SCHIP1: variants seen among roughly 807,000 people sequenced by gnomAD.
SCHIP1 encodes schwannomin interacting protein 1.
SCHIP1 carries 8 observed loss-of-function variants against 29.7 expected under a neutral mutation model. The ratio of observed to expected loss-of-function variants is 0.27; its 90% CI spans 0.16 to 0.49. The LOEUF is 0.49. Ranked by LOEUF, SCHIP1 falls within the 20% of genes least tolerant of loss-of-function variation. SCHIP1 has a pLI of 0.99. For synonymous variants in SCHIP1, 76 were observed against 94.9 expected (o/e 0.80, Z 1.16); for missense variants, 193 against 294.6 (o/e 0.66, Z 2.52).
the SCHIP1 span, among the ~76,000 whole-genome samples, chr3:159,391,808 T>A: frequency 6.6e-6 from 1 of 152,204 alleles, no homozygotes; most frequent in African/African-American, 2.4e-5. Flanking sequence ...ATTTCTATAC[T>A]TTACAGATGG....
At chr3:159,357,903 G>A in the SCHIP1 span, among the ~76,000 whole-genome samples, 2 of 152,212 alleles carry the variant, frequency 1.3e-5, no homozygotes, top group African/African-American at 4.8e-5. Context: ...AGTGCCATGA[G>A]GGATGATATA....
At chr3:159,884,311 G>A (rs1279511733) in intron 2 of SCHIP1, among the ~76,000 whole-genome samples, 1 of 150,526 alleles carries the variant, frequency 6.6e-6, no homozygotes, top group African/African-American at 2.5e-5. Flanking sequence ...GAACATATTA[G>A]ATTTCTCCAG....
At chr3:159,630,111 T>C in the SCHIP1 span, among the ~76,000 whole-genome samples, 1 of 152,152 alleles carries the variant, frequency 6.6e-6, no homozygotes. Context: ...TATGAAACTG[T>C]AAAGTTTCAA....
chr3:159,873,515 C>T (rs534740107), intron 2 of SCHIP1, among the ~76,000 whole-genome samples: 91 of 152,320 alleles, frequency 6.0e-4, no homozygotes, highest in Non-Finnish European at 1.1e-3. Context: ...TAAAGCACTT[C>T]TTAAGAGTGA....
chr3:159,770,909 G>A, the SCHIP1 span, among the ~76,000 whole-genome samples: 1 of 152,182 alleles, frequency 6.6e-6, no homozygotes, highest in Non-Finnish European at 1.5e-5. Context: ...TTAGAGAAGA[G>A]CTCTAGCTGT....
chr3:159,695,949 T>G, the SCHIP1 span, among the ~76,000 whole-genome samples: 1 of 152,090 alleles, frequency 6.6e-6, no homozygotes, highest in Admixed American at 6.5e-5. Context: ...TTCTTATCAC[T>G]TCTGGCCTGA....
chr3:159,889,664 A>G (rs565036476), intron 5 of SCHIP1, among the ~76,000 whole-genome samples: 2 of 152,254 alleles, frequency 1.3e-5, no homozygotes, highest in Non-Finnish European at 2.9e-5. Context: ...AGATATGCCA[A>G]ACAAATGCAT....
chr3:159,841,357 T>C (rs755484540), intron 1 of SCHIP1, among the ~76,000 whole-genome samples: 27 of 152,222 alleles, frequency 1.8e-4, no homozygotes, highest in Non-Finnish European at 3.1e-4. Context: ...TTTAGGGCCA[T>C]AGATCCTAAA....
At chr3:159,847,784 A>T (rs1712037245) in intron 1 of SCHIP1, among the ~76,000 whole-genome samples, 1 of 152,180 alleles carries the variant, frequency 6.6e-6, no homozygotes, top group African/African-American at 2.4e-5. Flanking sequence ...TTAATTTTTT[A>T]AAAATCTATA....
the SCHIP1 span, among the ~76,000 whole-genome samples, chr3:159,329,080 G>C: frequency 6.6e-6 from 1 of 152,100 alleles, no homozygotes; most frequent in Non-Finnish European, 1.5e-5. Flanking sequence ...AAAAATGAGT[G>C]AGGTTTATCT....
At chr3:159,756,424 C>G in the SCHIP1 span, among the ~76,000 whole-genome samples, 1 of 152,178 alleles carries the variant, frequency 6.6e-6, no homozygotes, top group Admixed American at 6.5e-5. Flanking sequence ...ACATAGGGCA[C>G]CAAGTCTCTA....
the SCHIP1 span, among the ~76,000 whole-genome samples, chr3:159,397,249 C>T: frequency 4.6e-5 from 7 of 152,118 alleles, no homozygotes; most frequent in African/African-American, 1.7e-4. Context: ...TTTTCAACTT[C>T]TTTGCCTTTG....
chr3:159,890,624 T>C (rs967427348), intron 5 of SCHIP1, among the ~76,000 whole-genome samples: 3 of 152,206 alleles, frequency 2.0e-5, no homozygotes, highest in African/African-American at 7.2e-5. Context: ...TAGTTGAAAA[T>C]TAATTACTAG....
At chr3:159,790,908 A>C in the SCHIP1 span, among the ~76,000 whole-genome samples, 1 of 152,274 alleles carries the variant, frequency 6.6e-6, no homozygotes, top group Non-Finnish European at 1.5e-5. Context: ...GTGTTGTGAA[A>C]AAGTTGTGTT....
chr3:159,764,153 G>A, the SCHIP1 span: 1 of 378,760 alleles, frequency 2.6e-6, no homozygotes, highest in African/African-American at 2.0e-5. The surrounding 1 kb of genome is among the most constrained non-coding windows in gnomAD (Gnocchi z 6.1). Flanking sequence ...TACAAAGTCT[G>A]CGCGCGCCGC....
the SCHIP1 span, among the ~76,000 whole-genome samples, chr3:159,309,912 A>C: frequency 6.6e-6 from 1 of 152,208 alleles, no homozygotes. Flanking sequence ...AAGAATCAAT[A>C]ATAATTACCT....
the SCHIP1 span, among the ~76,000 whole-genome samples, chr3:159,408,657 C>A: frequency 6.6e-6 from 1 of 152,082 alleles, no homozygotes. Context: ...AGTCTCCCAG[C>A]AAAAGAAAGC....
At chr3:159,434,687 A>C in the SCHIP1 span, among the ~76,000 whole-genome samples, 1 of 152,204 alleles carries the variant, frequency 6.6e-6, no homozygotes, top group Non-Finnish European at 1.5e-5. Context: ...AGATCATCTA[A>C]GATGGGATCA....
chr3:159,333,064 C>A, the SCHIP1 span, among the ~76,000 whole-genome samples: 1 of 152,126 alleles, frequency 6.6e-6, no homozygotes, highest in Non-Finnish European at 1.5e-5. Context: ...TGTTACTTTT[C>A]AAATAAATCA....
Sources: gnomAD v4.1 joint callset for allele counts (sites outside exome capture counted in the v4.1 genomes callset) on GRCh38, gnomAD v4.1.1 for gene constraint, Gnocchi (gnomAD v3.1) non-coding constraint, MANE v1.5 for transcripts, NCBI Gene and HGNC (gene_info 2026-07-23, HGNC 2026-07-21) for gene names.